Variants in TMEM9 observed in about 807,000 individuals in gnomAD.
TMEM9 encodes transmembrane protein 9, also known as proton-transporting V-type ATPase complex assembly regulator TMEM9.
TMEM9 carries 13 observed loss-of-function variants against 22.8 expected under a neutral mutation model. The observed-to-expected ratio is 0.57, with a 90% CI of 0.37 to 0.91. TMEM9 has a LOEUF of 0.91. Among genes scored for constraint, TMEM9 ranks in the 40% least tolerant of loss-of-function variants. TMEM9 has a pLI of 0.01. For missense variants in TMEM9, 182 were observed against 238.1 expected, an observed-to-expected ratio of 0.76 and a Z score of 1.55; for synonymous variants, 88 against 93.0, an observed-to-expected ratio of 0.95 and a Z score of 0.31.
At chr1:201,168,663 T>C (rs1278500777) in intron 1 of TMEM9, among the ~76,000 whole-genome samples, 1 of 152,190 alleles carries the variant, frequency 6.6e-6, no homozygotes, top group African/African-American at 2.4e-5. Context: ...AGTTTGCAGT[T>C]AGTTGATATT....
intron 2 of TMEM9, among the ~76,000 whole-genome samples, chr1:201,147,361 G>A (rs1354592232): frequency 6.6e-6 from 1 of 152,122 alleles, no homozygotes; most frequent in Non-Finnish European, 1.5e-5. Context: ...ATTTGCAATG[G>A]CAGAGAGAAC....
At chr1:201,166,605 C>T (rs899140765) in intron 1 of TMEM9, among the ~76,000 whole-genome samples, 5 of 152,014 alleles carry the variant, frequency 3.3e-5, no homozygotes, top group Admixed American at 1.3e-4. Context: ...TCAAGTGACC[C>T]GCCTGCGTTA....
chr1:201,163,713 AAT>A, intron 1 of TMEM9, among the ~76,000 whole-genome samples: 1 of 152,284 alleles, frequency 6.6e-6, no homozygotes, highest in East Asian at 1.9e-4. Context: ...ATAAAAAAAA[AAT>A]AGTGACAATT....
At chr1:201,140,423 C>T (rs1664418578) in intron 4 of TMEM9, among the ~76,000 whole-genome samples, 2 of 152,222 alleles carry the variant, frequency 1.3e-5, no homozygotes, top group Admixed American at 1.3e-4. Flanking sequence ...GGGATTATGC[C>T]TAATGCTGCT....
At chr1:201,140,586 T>G (rs1001744210) in intron 4 of TMEM9, among the ~76,000 whole-genome samples, 1 of 152,098 alleles carries the variant, frequency 6.6e-6, no homozygotes, top group Non-Finnish European at 1.5e-5. Context: ...CTTTACCCCC[T>G]GGGCAGGAGA....
At chr1:201,143,097 G>T (rs1482062756) in intron 4 of TMEM9, among the ~76,000 whole-genome samples, 1 of 152,218 alleles carries the variant, frequency 6.6e-6, no homozygotes, top group Admixed American at 6.5e-5. Context: ...TCCAAGCCCT[G>T]CCAGCTCCCC....
chr1:201,143,690 A>G (rs1488845898), intron 4 of TMEM9, 130 bp downstream of exon 4: 5 of 871,182 alleles, frequency 5.7e-6, no homozygotes, highest in Admixed American at 4.2e-5. Flanking sequence ...GATGTGTACG[A>G]CACTGACCAG....
chr1:201,137,600 A>C (rs1351812070), intron 4 of TMEM9, among the ~76,000 whole-genome samples: 2 of 152,124 alleles, frequency 1.3e-5, no homozygotes, highest in African/African-American at 2.4e-5. Context: ...TTTTTTAAAA[A>C]TCCTGGTCAT....
chr1:201,159,040 C>T (rs1311163537), upstream of TMEM9, among the ~76,000 whole-genome samples: 1 of 152,160 alleles, frequency 6.6e-6, no homozygotes, highest in Non-Finnish European at 1.5e-5. Context: ...TGTCCAGTGT[C>T]TCATAACCTC....
intron 3 of TMEM9, chr1:201,145,384 T>G (rs1235169697): frequency 6.6e-6 from 1 of 152,460 alleles, no homozygotes; most frequent in Non-Finnish European, 1.5e-5. Flanking sequence ...AGGGGCTGCC[T>G]CAGGTGGATG....
intron 1 of TMEM9, among the ~76,000 whole-genome samples, chr1:201,162,464 T>C (rs1418236851): frequency 1.3e-5 from 2 of 149,546 alleles, no homozygotes; most frequent in Admixed American, 1.3e-4. Flanking sequence ...TTGACAAAAG[T>C]GTATAAGCAA....
chr1:201,165,561 C>T (rs936409839), intron 1 of TMEM9, among the ~76,000 whole-genome samples: 4 of 151,948 alleles, frequency 2.6e-5, no homozygotes, highest in East Asian at 1.9e-4. Context: ...CTCAGCCTCC[C>T]GAGTAGCTAG....
At chr1:201,160,635 T>A (rs74439531) in intron 1 of TMEM9, among the ~76,000 whole-genome samples, 1,916 of 8,906 alleles carry the variant, frequency 0.22, 44 homozygotes, top group African/African-American at 0.4. Flanking sequence ...TTTTTTTTTT[T>A]TTAAAATCGA....
chr1:201,165,497 C>T (rs559473268), intron 1 of TMEM9, among the ~76,000 whole-genome samples: 23 of 150,496 alleles, frequency 1.5e-4, no homozygotes, highest in Non-Finnish European at 2.4e-4. Context: ...AGTGCAATGG[C>T]GCGATCTTGA....
Sources: allele counts gnomAD v4.1 joint callset (sites outside exome capture counted in the v4.1 genomes callset), GRCh38; gene constraint gnomAD v4.1.1; transcripts MANE v1.5; gene names NCBI Gene and HGNC (gene_info 2026-07-23, HGNC 2026-07-21).